The following ATF1 variants were observed in gnomAD, a reference collection of about 807,000 sequenced individuals.
The protein encoded by ATF1 is activating transcription factor 1.
A neutral mutation model predicts 34.7 loss-of-function variants in ATF1; 16 were observed. The ratio of observed to expected loss-of-function variants is 0.46; its 90% CI spans 0.31 to 0.70. The LOEUF (loss-of-function observed/expected upper bound fraction) is 0.70. ATF1 is among the 30% of genes least tolerant of loss of function. The pLI, the probability that ATF1 is intolerant of heterozygous loss-of-function variation, is 0.05. For synonymous variants in ATF1, 105 were observed against 113.1 expected (o/e 0.93, Z 0.46); for missense variants, 255 against 321.6 (o/e 0.79, Z 1.58).
intron 2 of ATF1, among the ~76,000 whole-genome samples, chr12:50,791,382 C>T (rs948191949): frequency 3.9e-5 from 6 of 152,046 alleles, no homozygotes; most frequent in Non-Finnish European, 7.4e-5. Context: ...ATGGGGAAAC[C>T]CCGTCTCTAC....
intron 6 of ATF1, among the ~76,000 whole-genome samples, chr12:50,815,426 C>T (rs1941824044): frequency 6.6e-6 from 1 of 152,082 alleles, no homozygotes; most frequent in African/African-American, 2.4e-5. Context: ...CACTGTGTCA[C>T]CCACACTGGA....
chr12:50,792,940 G>A (rs1360986201), intron 2 of ATF1, among the ~76,000 whole-genome samples: 1 of 151,960 alleles, frequency 6.6e-6, no homozygotes, highest in Non-Finnish European at 1.5e-5. Context: ...CCTTACAAAA[G>A]TACGAAAGAA....
chr12:50,771,775 C>T (rs756952310), intron 1 of ATF1, among the ~76,000 whole-genome samples: 1 of 152,098 alleles, frequency 6.6e-6, no homozygotes, highest in Non-Finnish European at 1.5e-5. Flanking sequence ...AAAACAGTTG[C>T]AGTAAAGGAG....
intron 4 of ATF1, among the ~76,000 whole-genome samples, chr12:50,813,092 T>TA (rs1056053814): frequency 4.6e-5 from 7 of 152,224 alleles, no homozygotes; most frequent in African/African-American, 1.7e-4. Context: ...TGAATAATGC[T>TA]AAAATGTTTT....
intron 4 of ATF1, 90 bp downstream of exon 4, chr12:50,809,679 T>A: frequency 7.7e-7 from 1 of 1,301,162 alleles, no homozygotes; most frequent in South Asian, 1.5e-5. Context: ...TGTAATACTT[T>A]GATAGTGATG....
upstream of ATF1, chr12:50,763,615 CG>C (rs1270940479): frequency 8.4e-6 from 1 of 119,382 alleles, no homozygotes; most frequent in African/African-American, 3.4e-5. Flanking sequence ...GTCTCAATCT[CG>C]GAAAAAAAAA....
intron 2 of ATF1, among the ~76,000 whole-genome samples, chr12:50,785,047 C>G (rs1360069651): frequency 6.8e-6 from 1 of 147,104 alleles, no homozygotes; most frequent in African/African-American, 2.5e-5. Context: ...TCCCTCCCCC[C>G]TCCCCGCTGG....
At chr12:50,801,356 C>G (rs1001413287) in intron 3 of ATF1, among the ~76,000 whole-genome samples, 1 of 152,002 alleles carries the variant, frequency 6.6e-6, no homozygotes, top group Non-Finnish European at 1.5e-5. Context: ...GTCAAATATA[C>G]AGTTGCTTAA....
intron 6 of ATF1, among the ~76,000 whole-genome samples, chr12:50,814,731 ATAATACT>A (rs1025532515): frequency 1.3e-5 from 2 of 152,216 alleles, no homozygotes; most frequent in African/African-American, 2.4e-5. Context: ...TGTATAGAAC[ATAATACT>A]TGATACTATA....
chr12:50,791,944 G>A (rs767719934), intron 2 of ATF1, among the ~76,000 whole-genome samples: 2 of 152,176 alleles, frequency 1.3e-5, no homozygotes, highest in South Asian at 2.1e-4. Context: ...GATGCTGCCC[G>A]AAGTTGGTGT....
chr12:50,794,295 A>G (rs1453984343), intron 2 of ATF1, among the ~76,000 whole-genome samples: 3 of 149,780 alleles, frequency 2.0e-5, no homozygotes, highest in East Asian at 2.1e-4. Flanking sequence ...GGCCAGGCAC[A>G]GTGGCTCACA....
chr12:50,764,345 G>A (rs892201268), intron 1 of ATF1, 38 bp downstream of exon 1: 3 of 151,812 alleles, frequency 2.0e-5, no homozygotes, highest in Non-Finnish European at 4.4e-5. Flanking sequence ...CCCGTGGCCC[G>A]GGCGGGGAAG....
At position 50,776,010 on chromosome 12, in the gene ATF1, G is replaced by A. The variant is rs911676008; in HGVS notation, c.-6-4130G>A. Among the ~76,000 whole-genome samples the A allele has an allele frequency of 6.6e-5, 10 of 151,886 alleles. No individual in the cohort carries two copies. The East Asian group carries it at 1.2e-3, about 18-fold the overall frequency. ...GAGTTCAAGGCCAAAACCTCGTCTCGACAAAAAATTTTAAAAATTAGGCTG... is the reference window on the plus strand; with the variant it reads ...GAGTTCAAGGCCAAAACCTCGTCTCAACAAAAAATTTTAAAAATTAGGCTG... On this transcript the variant is annotated intron_variant, in intron 1 of 6. Coordinates refer to ENST00000262053, the MANE Select transcript of ATF1 (RefSeq NM_005171.5).
chr12:50,794,281 A>T lies in ATF1; in HGVS notation c.94-1628A>T, dbSNP rs1156511775. On this transcript the variant is annotated intron_variant, in intron 2 of 6. Coordinates refer to ENST00000262053, the MANE Select transcript of ATF1 (RefSeq NM_005171.5). ...ATTTTATTTTTAAAAATTAAGATGA[A>T]GTCGGCCAGGCACAGTGGCTCACAC... 2.6e-5 allele frequency among the ~76,000 whole-genome samples: 4 copies of T among 151,034 alleles called. No homozygotes were observed. In the East Asian group the frequency reaches 8.0e-4, roughly 30 times the overall value.
At chr12:50,798,053 G>A (rs753257425) in intron 3 of ATF1, among the ~76,000 whole-genome samples, 7 of 151,470 alleles carry the variant, frequency 4.6e-5, no homozygotes, top group African/African-American at 1.5e-4. Context: ...TGGCACATGC[G>A]TGTAGTCCCA....
intron 3 of ATF1, chr12:50,806,451 C>A: frequency 2.7e-6 from 1 of 373,946 alleles, no homozygotes; most frequent in South Asian, 2.2e-5. Context: ...TGCACAGCAC[C>A]ACACAGGGCG....
chr12:50,772,615 T>C (rs1416253526), intron 1 of ATF1, among the ~76,000 whole-genome samples: 21 of 152,118 alleles, frequency 1.4e-4, no homozygotes, highest in Non-Finnish European at 5.9e-5. Context: ...TGTGACCCAC[T>C]GTGCCTGGCC....
At chr12:50,814,523 C>T (rs1277692097) in intron 6 of ATF1, 84 bp downstream of exon 6, 6 of 1,354,870 alleles carry the variant, frequency 4.4e-6, no homozygotes, top group East Asian at 2.4e-5. Flanking sequence ...GAACTGTATA[C>T]AGTCATGGGC....
At chr12:50,783,697 G>A (rs1035456175) in intron 2 of ATF1, among the ~76,000 whole-genome samples, 11 of 151,690 alleles carry the variant, frequency 7.3e-5, no homozygotes, top group African/African-American at 2.7e-4. Flanking sequence ...GTGAAACCCC[G>A]TCTCTACTAA....
Sources: allele counts gnomAD v4.1 joint callset (sites outside exome capture counted in the v4.1 genomes callset), GRCh38; gene constraint gnomAD v4.1.1; transcripts MANE v1.5; gene names NCBI Gene and HGNC (gene_info 2026-07-23, HGNC 2026-07-21).